The following DUSP26 variants were observed in gnomAD, a reference collection of about 807,000 sequenced individuals.
DUSP26 encodes the protein dual specificity protein phosphatase 26.
Under a neutral mutation model 20.0 loss-of-function variants are expected in DUSP26, and 12 were observed. The ratio of observed to expected loss-of-function variants is 0.60; its 90% CI spans 0.38 to 0.97. The LOEUF (loss-of-function observed/expected upper bound fraction) is 0.97. DUSP26 is among the 50% of genes least tolerant of loss of function. The pLI is 0.00. For synonymous variants in DUSP26, 120 were observed against 118.8 expected (o/e 1.01, Z -0.06); for missense variants, 230 against 294.0 (o/e 0.78, Z 1.59).
At chr8:33,597,665 T>G in intron 1 of DUSP26, 74 bp from the exon 2 acceptor site, 1 of 646,436 alleles carries the variant, frequency 1.5e-6, no homozygotes, top group South Asian at 2.1e-5. Context: ...GGCTGGTCCT[T>G]CGGGAGAAGA....
At chr8:33,599,284 G>A (rs559821589) in intron 1 of DUSP26, among the ~76,000 whole-genome samples, 13 of 152,270 alleles carry the variant, frequency 8.5e-5, no homozygotes, top group African/African-American at 2.6e-4. Context: ...TGGGATGGGG[G>A]AAGCGTGAAG....
At chr8:33,597,131 T>C (rs1811162438) in intron 2 of DUSP26, among the ~76,000 whole-genome samples, 164 bp downstream of exon 2, 2 of 151,912 alleles carry the variant, frequency 1.3e-5, no homozygotes. Context: ...CTGGCCAAAC[T>C]CTCCCAAACC....
At chr8:33,592,284 C>T (rs1811039914) in intron 3 of DUSP26, 72 bp from the exon 4 acceptor site, 1 of 1,431,106 alleles carries the variant, frequency 7.0e-7, no homozygotes, top group Non-Finnish European at 9.4e-7. Flanking sequence ...GAAAGGGTGA[C>T]ATGGGGCCGG....
In DUSP26 at chr8:33,591,912, G is replaced by A. The variant is rs973013943; in HGVS notation, c.*101C>T. ...CCTCTCCTGACCCCAGGGGAGGATG[G>A]GTGATCTGGGCCTCCTGCTACCTGC... is the stretch of plus-strand genomic sequence containing the variant. On this transcript the variant is annotated 3_prime_UTR_variant, in exon 4 of 4. Transcript: ENST00000256261. The A allele has an allele frequency of 7.3e-7, 1 of 1,373,624 alleles. No individual in the cohort carries two copies. The highest frequency in any genetic ancestry group is 1.4e-5 in the African/African-American group (1 of 69,876). 85.1% of individuals were successfully genotyped at this position (1,373,624 alleles called of 1,614,324 possible).
intron 2 of DUSP26, among the ~76,000 whole-genome samples, chr8:33,596,364 G>C (rs1811144955): frequency 6.6e-6 from 1 of 152,078 alleles, no homozygotes; most frequent in South Asian, 2.1e-4. Context: ...GACTGCCTGA[G>C]CTCAGGAGCT....
chr8:33,597,781 G>A (rs978483755), intron 1 of DUSP26, 190 bp from the exon 2 acceptor site: 7 of 416,524 alleles, frequency 1.7e-5, no homozygotes, highest in African/African-American at 8.1e-5. Context: ...GCTCTGCCAC[G>A]AAACGAGGTG....
rs1811016783 is a variant in DUSP26 at position 33,591,483 on chromosome 8, T to G, written c.*530A>C. On this transcript the variant is annotated 3_prime_UTR_variant, in exon 4 of 4. Coordinates refer to ENST00000256261, the MANE Select transcript of DUSP26 (RefSeq NM_024025.3). ...CCCTCACACGCTAGCTACCTCCTCCTGTGCTTGGAGTGGAAAGTCTGTGGG... is the reference window on the plus strand; with the variant it reads ...CCCTCACACGCTAGCTACCTCCTCCGGTGCTTGGAGTGGAAAGTCTGTGGG... 6.5e-6 allele frequency: 1 copy of G among 153,912 alleles called. No individual in the cohort carries two copies. Among genetic ancestry groups the G allele is most frequent in the Non-Finnish European group, 1.5e-5 (1 of 68,954 alleles). The allele number at this position is 153,912 out of a possible 1,614,324, so 9.5% of individuals were successfully genotyped here.
At chr8:33,595,768 C>T (rs1811130415) in intron 2 of DUSP26, among the ~76,000 whole-genome samples, 1 of 152,094 alleles carries the variant, frequency 6.6e-6, no homozygotes, top group Non-Finnish European at 1.5e-5. Flanking sequence ...GCACCACAGT[C>T]ATATCTCAGG....
At chr8:33,594,943 C>G (rs1159267634) in intron 2 of DUSP26, among the ~76,000 whole-genome samples, 4 of 151,922 alleles carry the variant, frequency 2.6e-5, no homozygotes, top group African/African-American at 9.7e-5. Context: ...AAGCTGGTCT[C>G]GAACTCCTGA....
chr8:33,597,236 T>C (rs1232422808), intron 2 of DUSP26, 59 bp downstream of exon 2: 3 of 1,492,542 alleles, frequency 2.0e-6, no homozygotes, highest in Admixed American at 4.2e-5. Context: ...CCCTTCTCCT[T>C]TCTTACACAC....
chr8:33,593,845 A>AT (rs113807830), intron 2 of DUSP26, 98 bp from the exon 3 acceptor site: 616 of 1,376,640 alleles, frequency 4.5e-4, no homozygotes, highest in Admixed American at 1.9e-3. Flanking sequence ...CCTATTGTTG[A>AT]TTTTTTTTTG....
intron 2 of DUSP26, among the ~76,000 whole-genome samples, chr8:33,596,919 AAC>A (rs1182340868): frequency 2.0e-5 from 3 of 152,174 alleles, no homozygotes; most frequent in Non-Finnish European, 4.4e-5. Flanking sequence ...TTATTACTGG[AAC>A]AGAGTCTTTC....
chr8:33,597,194 A>G (rs1367817910), intron 2 of DUSP26, 101 bp downstream of exon 2: 3 of 1,176,652 alleles, frequency 2.5e-6, no homozygotes, highest in Non-Finnish European at 3.5e-6. Context: ...TTCAACCAGG[A>G]ACCAATGACA....
At chr8:33,592,588 G>A (rs991299973) in intron 3 of DUSP26, among the ~76,000 whole-genome samples, 19 of 149,036 alleles carry the variant, frequency 1.3e-4, no homozygotes, top group Non-Finnish European at 3.0e-5. Flanking sequence ...CAGGGAAGAG[G>A]AAGACAGGTA....
At chr8:33,597,979 G>T (rs1811190713) in intron 1 of DUSP26, among the ~76,000 whole-genome samples, 1 of 151,932 alleles carries the variant, frequency 6.6e-6, no homozygotes, top group Non-Finnish European at 1.5e-5. Flanking sequence ...TCTGCCTGGG[G>T]CTATCGGCAG....
intron 1 of DUSP26, 136 bp from the exon 2 acceptor site, chr8:33,597,727 G>T (rs1182943359): frequency 2.0e-6 from 1 of 502,624 alleles, no homozygotes. Flanking sequence ...TTCAGGGGTG[G>T]CTTTTTCTTC....
At chr8:33,596,472 C>T (rs1313872564) in intron 2 of DUSP26, among the ~76,000 whole-genome samples, 1 of 151,984 alleles carries the variant, frequency 6.6e-6, no homozygotes, top group African/African-American at 2.4e-5. Context: ...GTCCCAGCTA[C>T]TCTGGAGGCT....
intron 3 of DUSP26, 91 bp downstream of exon 3, chr8:33,593,442 G>A (rs1015425315): frequency 2.9e-6 from 4 of 1,391,600 alleles, no homozygotes; most frequent in African/African-American, 2.9e-5. Context: ...ATTTTGTCAT[G>A]TCACTAAAAT....
chr8:33,591,668 G>A lies in DUSP26; in HGVS notation c.*345C>T, dbSNP rs560783093. 182 of 307,974 alleles carry A rather than the reference G, an allele frequency of 5.9e-4. No individual in the cohort carries two copies. The highest frequency in any genetic ancestry group is 8.9e-4 in the Non-Finnish European group (146 of 163,208). The allele number at this position is 307,974 out of a possible 1,614,324, so 19.1% of individuals were successfully genotyped here. On this transcript the variant is annotated 3_prime_UTR_variant, in exon 4 of 4. Coordinates refer to ENST00000256261, the MANE Select transcript of DUSP26 (RefSeq NM_024025.3). ...AGATGGCCCTTTTGTTTTGGTGAGG[G>A]AGAGAGGGAAACACTTGGGCACAAA...
Sources: gnomAD v4.1 joint callset for allele counts (sites outside exome capture counted in the v4.1 genomes callset) on GRCh38, gnomAD v4.1.1 for gene constraint, MANE v1.5 for transcripts, NCBI Gene and HGNC (gene_info 2026-07-23, HGNC 2026-07-21) for gene names.